Variants in DSCAM observed in about 807,000 individuals in gnomAD.
DSCAM encodes the protein DS cell adhesion molecule.
In DSCAM, 47 loss-of-function variants were observed where a neutral mutation model predicts 217.7. The observed-to-expected ratio is 0.22, with a 90% CI of 0.17 to 0.28. DSCAM has a LOEUF of 0.28. DSCAM is among the 10% of genes least tolerant of loss of function. DSCAM has a pLI of 1.00. For synonymous variants in DSCAM, 1,056 were observed against 1,015.3 expected (o/e 1.04, Z -0.76); for missense variants, 2,080 against 2,618.3 (o/e 0.79, Z 4.49).
At position 40,179,053 on chromosome 21, in the gene DSCAM, G is replaced by T; in HGVS notation, c.2821C>A (p.Gln941Lys). 1 of 1,614,112 alleles carries T rather than the reference G, an allele frequency of 6.2e-7. No homozygotes were observed. ...SAQRTKDVSP[Q>K]LNSATIIDIH... ...TCAATGATGGTGGCCGAGTTCAGCT[G>T]AGGGGAAACATCTTTGGTTCTCTGA... The change falls in exon 15 of 33, where the codon CAG (glutamine) becomes AAG (lysine). Residue 941 changes from glutamine to lysine, a missense_variant. Gln to Lys is a moderately conservative substitution (Grantham distance 53). This residue lies in a region of DSCAM where 1,144 missense variants were observed against 1,421.1 expected (regional missense o/e 0.81). Coordinates refer to ENST00000400454, the MANE Select transcript of DSCAM (RefSeq NM_001389.5).
At chr21:40,187,096 G>C (rs976742307) in intron 14 of DSCAM, 35 bp downstream of exon 14, 5 of 1,609,826 alleles carry the variant, frequency 3.1e-6, no homozygotes, top group Admixed American at 1.7e-5. Context: ...AACTTTCTGA[G>C]GTGGAAGGGA....
At chr21:40,151,069 T>C (rs1267840943) in intron 16 of DSCAM, among the ~76,000 whole-genome samples, 5 of 152,154 alleles carry the variant, frequency 3.3e-5, no homozygotes, top group African/African-American at 1.2e-4. Flanking sequence ...TGTCTCCCGA[T>C]CTCAGTAGTA....
intron 20 of DSCAM, among the ~76,000 whole-genome samples, chr21:40,097,940 C>CAAAA (rs1311731207): frequency 1.9e-3 from 19 of 10,096 alleles, no homozygotes; most frequent in African/African-American, 7.6e-3. Context: ...GACTCTGTCT[C>CAAAA]AAAAAAAAAA....
At chr21:40,486,109 T>G (rs1253088214) in intron 3 of DSCAM, among the ~76,000 whole-genome samples, 1 of 152,162 alleles carries the variant, frequency 6.6e-6, no homozygotes, top group East Asian at 1.9e-4. Context: ...TTCCTAGAGG[T>G]CAGCCATAGA....
chr21:40,236,400 G>C (rs1207355134), intron 11 of DSCAM, among the ~76,000 whole-genome samples: 1 of 152,164 alleles, frequency 6.6e-6, no homozygotes, highest in Admixed American at 6.5e-5. Flanking sequence ...TCTCTATCTG[G>C]TGGGTCTCCG....
intron 1 of DSCAM, among the ~76,000 whole-genome samples, chr21:40,757,648 G>A (rs1171405029): frequency 1.3e-5 from 2 of 152,202 alleles, no homozygotes; most frequent in African/African-American, 4.8e-5. Context: ...ATGTGCTGAG[G>A]CCCAGTTGTG....
chr21:40,471,187 C>G (rs1263983532), intron 3 of DSCAM, among the ~76,000 whole-genome samples: 1 of 152,210 alleles, frequency 6.6e-6, no homozygotes, highest in African/African-American at 2.4e-5. Flanking sequence ...ATCTCATCAA[C>G]TCGAGCACTT....
chr21:40,404,446 G>A (rs1344876057), intron 3 of DSCAM, among the ~76,000 whole-genome samples: 1 of 152,130 alleles, frequency 6.6e-6, no homozygotes, highest in Non-Finnish European at 1.5e-5. Flanking sequence ...GCCTCTTGAG[G>A]GCAGAAGAGC....
chr21:40,463,185 CATT>C (rs1569134021), intron 3 of DSCAM, among the ~76,000 whole-genome samples: 1 of 152,004 alleles, frequency 6.6e-6, no homozygotes, highest in Non-Finnish European at 1.5e-5. Flanking sequence ...TTGAGAAGCT[CATT>C]ATTATTGCAC....
intron 3 of DSCAM, among the ~76,000 whole-genome samples, chr21:40,669,286 GATC>G (rs1177233791): frequency 6.6e-6 from 1 of 152,092 alleles, no homozygotes; most frequent in Non-Finnish European, 1.5e-5. Flanking sequence ...ATAATTATGT[GATC>G]AACAGACACA....
chr21:40,033,494 C>T (rs112628578), intron 32 of DSCAM, among the ~76,000 whole-genome samples: 4,760 of 148,576 alleles, frequency 0.032, 329 homozygotes, highest in African/African-American at 0.12. Flanking sequence ...CACCACGAGA[C>T]TATATCCCGC....
At position 40,116,857 on chromosome 21, in the gene DSCAM, C is replaced by T. The variant is rs533703316; in HGVS notation, c.3696+7338G>A. 2.3e-4 allele frequency among the ~76,000 whole-genome samples: 35 copies of T among 151,610 alleles called. No homozygotes were observed. The South Asian group carries it at 7.1e-3, about 31-fold the overall frequency. On this transcript the variant is annotated intron_variant, in intron 20 of 32. Transcript: ENST00000400454. ...CTCTACTAAAAATACAAAACATTAG[C>T]CAGGCATGGTGGCGGGCGCCTGTAG...
intron 3 of DSCAM, among the ~76,000 whole-genome samples, chr21:40,442,507 T>G (rs1403553949): frequency 1.4e-5 from 1 of 72,066 alleles, no homozygotes; most frequent in Non-Finnish European, 3.3e-5. Flanking sequence ...AGACCCCTAA[T>G]TTTTTTTTTG....
At chr21:40,391,630 T>C (rs2075134757) in intron 3 of DSCAM, among the ~76,000 whole-genome samples, 1 of 152,220 alleles carries the variant, frequency 6.6e-6, no homozygotes, top group Admixed American at 6.5e-5. Flanking sequence ...GCTTGAGCAG[T>C]GTCAGTGACA....
chr21:40,515,191 A>C (rs1376408940), intron 3 of DSCAM, among the ~76,000 whole-genome samples: 2 of 152,232 alleles, frequency 1.3e-5, no homozygotes, highest in Non-Finnish European at 2.9e-5. Flanking sequence ...AAGAAAAAAT[A>C]AAAATAACTT....
At chr21:40,204,058 G>T (rs1368771918) in intron 11 of DSCAM, among the ~76,000 whole-genome samples, 3 of 152,212 alleles carry the variant, frequency 2.0e-5, no homozygotes, top group Admixed American at 1.3e-4. Context: ...GAAAACAGGG[G>T]TGTTTTAAGT....
intron 3 of DSCAM, among the ~76,000 whole-genome samples, chr21:40,438,082 A>G (rs965629553): frequency 1.3e-5 from 2 of 152,228 alleles, no homozygotes; most frequent in African/African-American, 4.8e-5. Flanking sequence ...CAGTAGCAGC[A>G]GACCCAGGAC....
At chr21:40,676,744 T>C (rs1184440584) in intron 3 of DSCAM, among the ~76,000 whole-genome samples, 1 of 152,226 alleles carries the variant, frequency 6.6e-6, no homozygotes, top group East Asian at 1.9e-4. Context: ...CCTGCAAGGC[T>C]GAGATACACC....
intron 3 of DSCAM, among the ~76,000 whole-genome samples, chr21:40,487,320 TGTGTGTGAGA>T (rs1268546720): frequency 1.3e-4 from 16 of 120,142 alleles, no homozygotes; most frequent in African/African-American, 6.3e-4. Flanking sequence ...TGTGTGTGTG[TGTGTGTGAGA>T]GAGAGAGAGA....
Sources: gnomAD v4.1 joint callset for allele counts (sites outside exome capture counted in the v4.1 genomes callset) on GRCh38, gnomAD v4.1.1 for gene constraint, gnomAD v4.1.1 regional missense constraint, MANE v1.5 for transcripts, NCBI Gene and HGNC (gene_info 2026-07-23, HGNC 2026-07-21) for gene names.